The following CADPS2 variants were observed in gnomAD, a reference collection of about 807,000 sequenced individuals.
The protein encoded by CADPS2 is calcium dependent secretion activator 2, also known as calcium-dependent secretion activator 2.
In CADPS2, 93 loss-of-function variants were observed where a neutral mutation model predicts 172.5. That is an observed-to-expected ratio of 0.54 (90% confidence interval 0.46 to 0.64). CADPS2 has a LOEUF of 0.64. CADPS2 is among the 30% of genes least tolerant of loss of function. The probability of loss-of-function intolerance (pLI) is 0.00; values close to 1 mark genes in which losing one functional copy is unlikely to be tolerated. For missense variants in CADPS2, 1,420 were observed against 1,565.9 expected (o/e 0.91, Z 1.57); for synonymous variants, 546 against 555.2 (o/e 0.98, Z 0.23).
At chr7:122,527,019 G>T (rs938901995) in intron 8 of CADPS2, among the ~76,000 whole-genome samples, 6 of 152,076 alleles carry the variant, frequency 3.9e-5, no homozygotes, top group South Asian at 4.1e-4. Context: ...TATAATAAAG[G>T]AAGTAAATAT....
chr7:122,537,421 GA>G (rs1441389218), intron 8 of CADPS2, among the ~76,000 whole-genome samples: 1 of 151,550 alleles, frequency 6.6e-6, no homozygotes, highest in Non-Finnish European at 1.5e-5. Flanking sequence ...TATGCTAATA[GA>G]GAATGAAATT....
intron 2 of CADPS2, among the ~76,000 whole-genome samples, chr7:122,720,731 G>A (rs2090294559): frequency 6.6e-6 from 1 of 151,818 alleles, no homozygotes; most frequent in Non-Finnish European, 1.5e-5. Flanking sequence ...TCCTAAAAGT[G>A]AATCACCTAG....
intron 2 of CADPS2, among the ~76,000 whole-genome samples, chr7:122,677,999 CATTGT>C (rs1394518436): frequency 6.6e-6 from 1 of 152,286 alleles, no homozygotes; most frequent in East Asian, 1.9e-4. Flanking sequence ...TATACCACAT[CATTGT>C]ATGTCTCTCT....
At chr7:122,575,380 G>T (rs1015659243) in intron 7 of CADPS2, among the ~76,000 whole-genome samples, 1 of 151,642 alleles carries the variant, frequency 6.6e-6, no homozygotes, top group African/African-American at 2.4e-5. Context: ...TAGGTGTAAT[G>T]AAGAAATTGA....
Position 122,471,516 on chromosome 7 carries a change from G to A in CADPS2, c.2045C>T (p.Ala682Val). Residue 682 changes from alanine to valine, a missense_variant, in exon 14 of 30, where the codon GCC (alanine) becomes GTC (valine). Physicochemically the swap from Ala to Val is moderately conservative, Grantham distance 64. Transcript: ENST00000449022. ...GQVFVLDEYC[A>V]RYGVRGCHRH... is the part of the protein sequence containing the mutation. ...GTGACAGCCTCTCACACCATAACGGGCACAGTACTCATCTAACACAAAGAC... is the reference window on the plus strand; with the variant it reads ...GTGACAGCCTCTCACACCATAACGGACACAGTACTCATCTAACACAAAGAC... 2 of 1,610,140 alleles carry A rather than the reference G, an allele frequency of 1.2e-6. No homozygotes were observed. Among genetic ancestry groups the A allele is most frequent in the Non-Finnish European group, 1.7e-6 (2 of 1,178,110 alleles).
At chr7:122,665,490 A>G (rs2081092806) in intron 2 of CADPS2, among the ~76,000 whole-genome samples, 1 of 152,216 alleles carries the variant, frequency 6.6e-6, no homozygotes, top group African/African-American at 2.4e-5. Context: ...AGCCTGTCAT[A>G]AGTTAAAAAT....
intron 2 of CADPS2, among the ~76,000 whole-genome samples, chr7:122,707,394 C>T (rs1238944597): frequency 6.6e-6 from 1 of 151,974 alleles, no homozygotes; most frequent in Non-Finnish European, 1.5e-5. Context: ...CTGACCTCTA[C>T]CCCTCTGCTA....
At chr7:122,677,310 T>C (rs2082483189) in intron 2 of CADPS2, among the ~76,000 whole-genome samples, 1 of 152,084 alleles carries the variant, frequency 6.6e-6, no homozygotes, top group African/African-American at 2.4e-5. Flanking sequence ...AGACAAAGAA[T>C]TTGCAAATCA....
chr7:122,795,014 G>A (rs543983719), intron 1 of CADPS2, among the ~76,000 whole-genome samples: 3 of 152,128 alleles, frequency 2.0e-5, no homozygotes, highest in Admixed American at 1.3e-4. Flanking sequence ...ACATCAGAAA[G>A]TTACAAAGAT....
chr7:122,607,905 T>A (rs975574173), intron 6 of CADPS2, among the ~76,000 whole-genome samples: 8 of 152,138 alleles, frequency 5.3e-5, no homozygotes, highest in African/African-American at 1.9e-4. Flanking sequence ...TTTGAGTGTT[T>A]TGCCTTTGGT....
At chr7:122,513,960 A>G (rs2060174707) in intron 8 of CADPS2, among the ~76,000 whole-genome samples, 1 of 152,236 alleles carries the variant, frequency 6.6e-6, no homozygotes, top group African/African-American at 2.4e-5. Context: ...AGTTTTACAT[A>G]GTTTCAACCA....
At chr7:122,767,248 A>C (rs2093581118) in intron 1 of CADPS2, among the ~76,000 whole-genome samples, 1 of 152,218 alleles carries the variant, frequency 6.6e-6, no homozygotes, top group African/African-American at 2.4e-5. Flanking sequence ...ACTAAACTAA[A>C]AAGCATTTTT....
At chr7:122,841,417 C>A (rs1221794609) in intron 1 of CADPS2, among the ~76,000 whole-genome samples, 6 of 151,986 alleles carry the variant, frequency 3.9e-5, no homozygotes, top group Non-Finnish European at 7.4e-5. Context: ...TATCACCAAG[C>A]CAAAAGATTG....
chr7:122,819,920 G>A (rs1238815729), intron 1 of CADPS2, among the ~76,000 whole-genome samples: 1 of 151,950 alleles, frequency 6.6e-6, no homozygotes, highest in Admixed American at 6.6e-5. Context: ...ATCCCATCCT[G>A]CAGCATGCTT....
chr7:122,787,658 G>A (rs935414186), intron 1 of CADPS2, among the ~76,000 whole-genome samples: 2 of 147,938 alleles, frequency 1.4e-5, no homozygotes, highest in African/African-American at 5.0e-5. Context: ...ATTAATGTAA[G>A]TGCCTAGTGC....
At chr7:122,492,893 CTCTG>C (rs1430476830) in intron 9 of CADPS2, among the ~76,000 whole-genome samples, 3 of 151,994 alleles carry the variant, frequency 2.0e-5, no homozygotes, top group Non-Finnish European at 4.4e-5. Flanking sequence ...GAGAAAAGGT[CTCTG>C]TCTGTTACCT....
chr7:122,332,763 T>G (rs1472499448), intron 28 of CADPS2, among the ~76,000 whole-genome samples: 1 of 152,220 alleles, frequency 6.6e-6, no homozygotes, highest in Non-Finnish European at 1.5e-5. Context: ...AATTGGGAGC[T>G]GCACAAGCTC....
intron 13 of CADPS2, 139 bp downstream of exon 13, chr7:122,474,242 A>AC: frequency 1.1e-6 from 1 of 894,970 alleles, no homozygotes; most frequent in South Asian, 1.8e-5. Flanking sequence ...CACTCCCACT[A>AC]CCCTTATTAA....
At chr7:122,820,781 G>A (rs1245564960) in intron 1 of CADPS2, among the ~76,000 whole-genome samples, 3 of 135,498 alleles carry the variant, frequency 2.2e-5, no homozygotes, top group East Asian at 2.1e-4. Context: ...GGATGGTCTC[G>A]ATCTCCTGAC....
Sources: gnomAD v4.1 joint callset for allele counts (sites outside exome capture counted in the v4.1 genomes callset) on GRCh38, gnomAD v4.1.1 for gene constraint, MANE v1.5 for transcripts, NCBI Gene and HGNC (gene_info 2026-07-23, HGNC 2026-07-21) for gene names.